Variants in COL23A1 observed in about 807,000 individuals in gnomAD.
COL23A1 encodes the protein collagen type XXIII alpha 1 chain.
In COL23A1, 97 loss-of-function variants were observed where a neutral mutation model predicts 99.3. The observed-to-expected ratio is 0.98, with a 90% CI of 0.83 to 1.16. The LOEUF (loss-of-function observed/expected upper bound fraction) is 1.16. Ranked by LOEUF, COL23A1 falls within the 50% of genes most tolerant of loss-of-function variation. The probability of loss-of-function intolerance (pLI) is 0.00; values close to 1 mark genes in which losing one functional copy is unlikely to be tolerated. For synonymous variants in COL23A1, 320 were observed against 308.2 expected, an observed-to-expected ratio of 1.04 and a Z score of -0.40; for missense variants, 762 against 757.4, an observed-to-expected ratio of 1.01 and a Z score of -0.07.
In COL23A1 at chr5:178,590,379, C is replaced by T. The variant is rs1193500881; in HGVS notation, c.-182G>A. 3 of 417,428 alleles carry T rather than the reference C, an allele frequency of 7.2e-6. No homozygotes were observed. The highest frequency in any genetic ancestry group is 1.1e-5 in the Non-Finnish European group (3 of 267,368). The allele number at this position is 417,428 out of a possible 1,614,324, so 25.9% of individuals were successfully genotyped here. A position where few individuals can be genotyped will look rare whatever the true frequency, so the allele number is the denominator to read the frequency against. On this transcript the variant is annotated 5_prime_UTR_variant, in exon 1 of 29. Transcript: ENST00000390654. This position sits in a 1 kb window ranked among gnomAD's most constrained non-coding sequence, Gnocchi z 5.7. ...CCGCAGCCAGCTCCTCCACAGCGGC[C>T]ACTTTGGGCAGTTTCCTCTATGCAA... is the stretch of plus-strand genomic sequence containing the variant.
intron 2 of COL23A1, among the ~76,000 whole-genome samples, chr5:178,360,301 T>C (rs938481815): frequency 6.6e-6 from 1 of 152,240 alleles, no homozygotes; most frequent in African/African-American, 2.4e-5. Context: ...GAATAGAAAC[T>C]GCGAAGCTTT....
At chr5:178,414,640 T>A (rs1765213135) in intron 2 of COL23A1, among the ~76,000 whole-genome samples, 1 of 152,094 alleles carries the variant, frequency 6.6e-6, no homozygotes, top group Non-Finnish European at 1.5e-5. Context: ...GGCATGGTAG[T>A]GTGTGCCTGT....
rs577939914 is a variant in COL23A1, at chr5:178,385,313, G to A, written c.362-78394C>T. ...CCCCAGGTCTCAGTGAGCTGTGGAC[G>A]CGGGGAATTCACAGAGGGAAACACC... On this transcript the variant is annotated intron_variant, in intron 2 of 28. Transcript: ENST00000390654. Among the ~76,000 whole-genome samples, 5 of 152,296 alleles carry A rather than the reference G, an allele frequency of 3.3e-5. 1 individual carries two copies. Among genetic ancestry groups the A allele is most frequent in the African/African-American group, 7.2e-5 (3 of 41,564 alleles).
chr5:178,251,660 A>C lies in COL23A1; in HGVS notation c.1014+884T>G, dbSNP rs143968090. 7.7e-4 allele frequency among the ~76,000 whole-genome samples: 118 copies of C among 152,286 alleles called. 1 individual carries two copies. The highest frequency in any genetic ancestry group is 2.8e-3 in the African/African-American group (115 of 41,572). ...GCACGATGCTGAGGTTTGGGCTTCT[A>C]ATGATTCTGTCACCCAAGGGGTGAA... On this transcript the variant is annotated intron_variant, in intron 17 of 28. Coordinates refer to ENST00000390654, the MANE Select transcript of COL23A1 (RefSeq NM_173465.4).
chr5:178,464,407 A>G (rs774681564), intron 2 of COL23A1, among the ~76,000 whole-genome samples: 2 of 152,178 alleles, frequency 1.3e-5, no homozygotes, highest in Non-Finnish European at 2.9e-5. Context: ...TAGGGGCTCA[A>G]TACTATTCCA....
intron 2 of COL23A1, among the ~76,000 whole-genome samples, chr5:178,353,940 A>T (rs574105109): frequency 1.4e-3 from 55 of 40,496 alleles, no homozygotes; most frequent in African/African-American, 4.8e-3. Flanking sequence ...CCGTTGAGTT[A>T]AAAAAAAAAA....
intron 2 of COL23A1, among the ~76,000 whole-genome samples, chr5:178,542,578 G>A (rs989161325): frequency 6.6e-6 from 1 of 152,090 alleles, no homozygotes; most frequent in South Asian, 2.1e-4. Context: ...CAAACCAGAA[G>A]GCTCTTACAT....
intron 2 of COL23A1, among the ~76,000 whole-genome samples, chr5:178,514,081 C>A (rs1035935351): frequency 6.6e-6 from 1 of 152,148 alleles, no homozygotes; most frequent in Non-Finnish European, 1.5e-5. Flanking sequence ...CCTCCCCCAG[C>A]CCCTGGCACC....
At chr5:178,581,021 G>C (rs1763634933) in intron 1 of COL23A1, among the ~76,000 whole-genome samples, 2 of 151,948 alleles carry the variant, frequency 1.3e-5, no homozygotes, top group South Asian at 4.1e-4. Flanking sequence ...AAGAAATAAA[G>C]TTTCCACACC....
intron 5 of COL23A1, among the ~76,000 whole-genome samples, chr5:178,275,586 G>A (rs774867840): frequency 3.9e-5 from 6 of 152,140 alleles, no homozygotes; most frequent in South Asian, 4.1e-4. Context: ...TGAGGTCAGC[G>A]TGCTCCCTGA....
chr5:178,291,052 G>A (rs1757429992), intron 3 of COL23A1, among the ~76,000 whole-genome samples: 1 of 152,326 alleles, frequency 6.6e-6, no homozygotes, highest in Non-Finnish European at 1.5e-5. Context: ...AGCTGATAAC[G>A]CAGAGGCTCA....
intron 2 of COL23A1, among the ~76,000 whole-genome samples, chr5:178,376,956 C>A (rs1763100730): frequency 6.6e-6 from 1 of 152,196 alleles, no homozygotes; most frequent in African/African-American, 2.4e-5. Context: ...GATAAATGCA[C>A]AAAAGCCCTC....
intron 13 of COL23A1, among the ~76,000 whole-genome samples, 172 bp from the exon 14 acceptor site, chr5:178,257,100 A>G (rs1173992280): frequency 6.6e-6 from 1 of 152,186 alleles, no homozygotes; most frequent in African/African-American, 2.4e-5. Flanking sequence ...TCCCTAGCCC[A>G]GGGGACTCAG....
At chr5:178,324,657 G>A (rs1011705787) in intron 2 of COL23A1, among the ~76,000 whole-genome samples, 2 of 152,210 alleles carry the variant, frequency 1.3e-5, no homozygotes, top group South Asian at 4.1e-4. Flanking sequence ...CACACCACAA[G>A]GCTGGGGTTC....
Position 178,313,064 on chromosome 5 carries a change from G to T in COL23A1, c.362-6145C>A, listed in dbSNP as rs114783345. 0.025 allele frequency among the ~76,000 whole-genome samples: 3,799 copies of T among 152,274 alleles called. 162 individuals carry two copies. Among genetic ancestry groups the T allele is most frequent in the African/African-American group, 0.087 (3,627 of 41,534 alleles). ...CTGCAGCATGATGGGCCTGGAGGAC[G>T]TCACGCGATGGGAAGTAAGCCAGAC... On this transcript the variant is annotated intron_variant, in intron 2 of 28. Transcript: ENST00000390654. This position sits in a 1 kb window ranked among gnomAD's most constrained non-coding sequence, Gnocchi z 4.2.
At chr5:178,254,876 T>A in intron 16 of COL23A1, 73 bp downstream of exon 16, 1 of 1,337,410 alleles carries the variant, frequency 7.5e-7, no homozygotes, top group South Asian at 1.2e-5. Flanking sequence ...GCAGGATTAA[T>A]CACAAAGGGA....
chr5:178,585,834 G>A (rs1008194698), intron 1 of COL23A1, among the ~76,000 whole-genome samples: 1 of 152,044 alleles, frequency 6.6e-6, no homozygotes, highest in Non-Finnish European at 1.5e-5. Flanking sequence ...CCCAGCCTCA[G>A]GGGATGAGTC....
Position 178,589,950 on chromosome 5 carries a change from G to T in COL23A1, c.248C>A (p.Ala83Asp). The change falls in exon 1 of 29, where the codon GCC becomes GAC. Residue 83 changes from alanine to aspartate, a missense_variant. Ala to Asp is a moderately radical substitution (Grantham distance 126). Coordinates refer to ENST00000390654, the MANE Select transcript of COL23A1 (RefSeq NM_173465.4). This position sits in a 1 kb window ranked among gnomAD's most constrained non-coding sequence, Gnocchi z 5.4. ...GTGCGGCTCGGCCCAGGCGTCCAGG[G>T]CGCCTGGCGGCCCCGCGCGCCGCAG... is the stretch of plus-strand genomic sequence containing the variant. ...ELLRRAGPPG[A>D]LDAWAEPHLE... 1 of 1,328,610 alleles carries T rather than the reference G, an allele frequency of 7.5e-7. No homozygotes were observed. The highest frequency in any genetic ancestry group is 2.0e-5 in the South Asian group (1 of 49,372). The allele number at this position is 1,328,610 out of a possible 1,614,324, so 82.3% of individuals were successfully genotyped here.
Position 178,439,929 on chromosome 5 carries a change from T to A in COL23A1, c.361+120753A>T, listed in dbSNP as rs975732822. 3 of 152,158 alleles carry A rather than the reference T, an allele frequency of 2.0e-5. No individual in the cohort carries two copies. Among genetic ancestry groups the A allele is most frequent in the Non-Finnish European group, 4.4e-5 (3 of 68,050 alleles). The allele number at this position is 152,158 out of a possible 1,614,324, so 9.4% of individuals were successfully genotyped here. A position where few individuals can be genotyped will look rare whatever the true frequency, so the allele number is the denominator to read the frequency against. On this transcript the variant is annotated intron_variant, in intron 2 of 28. Coordinates refer to ENST00000390654, the MANE Select transcript of COL23A1 (RefSeq NM_173465.4). The surrounding 1 kb of genome is among the most constrained non-coding windows in gnomAD (Gnocchi z 4.2). Reference sequence around the variant, plus strand: ...AGAAGCCAGACACAAAGGACTGGATTGTAGGAGTCCATGTGTACACGGTTT... The same window carrying A: ...AGAAGCCAGACACAAAGGACTGGATAGTAGGAGTCCATGTGTACACGGTTT...
Sources: gnomAD v4.1 joint callset for allele counts (sites outside exome capture counted in the v4.1 genomes callset) on GRCh38, gnomAD v4.1.1 for gene constraint, Gnocchi (gnomAD v3.1) non-coding constraint, MANE v1.5 for transcripts, NCBI Gene and HGNC (gene_info 2026-07-23, HGNC 2026-07-21) for gene names.